ALK: variants seen among roughly 807,000 people sequenced by gnomAD.
ALK encodes the protein ALK tyrosine kinase receptor.
ALK carries 74 observed loss-of-function variants against 163.1 expected under a neutral mutation model. The ratio of observed to expected loss-of-function variants is 0.45; its 90% CI spans 0.38 to 0.55. ALK has a LOEUF of 0.55. Ranked by LOEUF, ALK falls within the 20% of genes least tolerant of loss-of-function variation. The pLI, the probability that ALK is intolerant of heterozygous loss-of-function variation, is 0.00. For synonymous variants in ALK, 960 were observed against 843.2 expected (o/e 1.14, Z -2.40); for missense variants, 2,063 against 2,105.3 (o/e 0.98, Z 0.39).
At chr2:29,216,454 G>A (rs760360921) in intron 23 of ALK, among the ~76,000 whole-genome samples, 12 of 152,276 alleles carry the variant, frequency 7.9e-5, no homozygotes, top group Non-Finnish European at 1.8e-4. Flanking sequence ...GGAGCCTGGA[G>A]CGCTGTGGGG....
chr2:29,445,777 G>C (rs1328640589), intron 4 of ALK, among the ~76,000 whole-genome samples: 5 of 151,958 alleles, frequency 3.3e-5, no homozygotes, highest in Admixed American at 1.3e-4. Context: ...AGCAGACACT[G>C]CACCATTGCA....
In ALK at chr2:29,427,698, T is replaced by C. The variant is rs190395280; in HGVS notation, c.1155-43839A>G. Among the ~76,000 whole-genome samples, 3 of 152,176 alleles carry C rather than the reference T, an allele frequency of 2.0e-5. No homozygotes were observed. In the East Asian group the frequency reaches 5.8e-4, roughly 29 times the overall value. The stretch of plus-strand genomic sequence containing the variant: ...AGATAAAATGGCAGATAAAAATCCA[T>C]GCATGTCAATAATAACATTAAACGC... On this transcript the variant is annotated intron_variant, in intron 4 of 28. Transcript: ENST00000389048.
At chr2:29,711,043 A>G (rs1679083618) in intron 2 of ALK, among the ~76,000 whole-genome samples, 1 of 152,020 alleles carries the variant, frequency 6.6e-6, no homozygotes, top group South Asian at 2.1e-4. Context: ...ATCTTCATCC[A>G]CTCAATTACT....
chr2:29,758,295 C>T (rs1680597057), intron 1 of ALK, among the ~76,000 whole-genome samples: 1 of 152,120 alleles, frequency 6.6e-6, no homozygotes, highest in African/African-American at 2.4e-5. Context: ...GCCCCACGTA[C>T]TCTTATTTGG....
At chr2:29,753,942 T>C (rs1050372154) in intron 1 of ALK, among the ~76,000 whole-genome samples, 3 of 152,186 alleles carry the variant, frequency 2.0e-5, no homozygotes, top group African/African-American at 2.4e-5. Flanking sequence ...ATGTTTTACA[T>C]CTTGTTATTT....
intron 3 of ALK, among the ~76,000 whole-genome samples, chr2:29,596,200 G>C (rs1287788192): frequency 1.3e-5 from 2 of 152,140 alleles, no homozygotes; most frequent in African/African-American, 4.8e-5. Context: ...CCTTTGGCCA[G>C]ATTTTTCTTT....
At chr2:29,864,816 G>A (rs1305135170) in intron 1 of ALK, among the ~76,000 whole-genome samples, 1 of 152,202 alleles carries the variant, frequency 6.6e-6, no homozygotes, top group Non-Finnish European at 1.5e-5. Flanking sequence ...AGTCTGCAAA[G>A]ACACATCCCA....
Position 29,667,732 on chromosome 2 carries a change from A to T in ALK, c.952+27118T>A, listed in dbSNP as rs539567461. ...ATTTTTACATCTATGTTCATCAGGG[A>T]TATTTGCCTGTAGTTCTCTTTTCTT... On this transcript the variant is annotated intron_variant, in intron 3 of 28. Transcript: ENST00000389048. 3.9e-5 allele frequency among the ~76,000 whole-genome samples: 6 copies of T among 152,024 alleles called. No homozygotes were observed. In the South Asian group the frequency reaches 1.2e-3, roughly 32 times the overall value.
In ALK at chr2:29,225,529, A is replaced by C. The variant is rs1366270319; in HGVS notation, c.3104T>G (p.Leu1035Arg). 6 of 1,613,280 alleles carry C rather than the reference A, an allele frequency of 3.7e-6. No homozygotes were observed. In the Admixed American group the frequency reaches 8.3e-5, roughly 22 times the overall value. Reference protein sequence around the residue: ...PTPEPHLPLSLILSVVTSALV... With the variant: ...PTPEPHLPLSRILSVVTSALV... Reference sequence around the variant, plus strand: ...GGCAGAGGTCACCACAGAGAGGATCAGCGAGAGTGGCAGGTGTGGCTCCGG... The same window carrying C: ...GGCAGAGGTCACCACAGAGAGGATCCGCGAGAGTGGCAGGTGTGGCTCCGG... The change falls in exon 19 of 29, where the codon CTG becomes CGG. Residue 1035 changes from leucine to arginine, a missense_variant. Physicochemically the swap from Leu to Arg is moderately radical, Grantham distance 102. Transcript: ENST00000389048.
intron 1 of ALK, among the ~76,000 whole-genome samples, chr2:29,827,398 A>C (rs1665232686): frequency 6.6e-6 from 1 of 152,234 alleles, no homozygotes; most frequent in African/African-American, 2.4e-5. Flanking sequence ...GCTCACTGTC[A>C]TGATGTGATG....
At chr2:29,827,414 T>A (rs1390088215) in intron 1 of ALK, among the ~76,000 whole-genome samples, 1 of 152,262 alleles carries the variant, frequency 6.6e-6, no homozygotes, top group African/African-American at 2.4e-5. Flanking sequence ...TGATGTCCTC[T>A]AAATCCACAG....
At chr2:29,532,331 C>T (rs1471468364) in intron 3 of ALK, among the ~76,000 whole-genome samples, 2 of 152,118 alleles carry the variant, frequency 1.3e-5, no homozygotes, top group South Asian at 2.1e-4. Context: ...GAGACATAGG[C>T]CTTATAATCA....
chr2:29,582,699 G>T (rs992551190), intron 3 of ALK, among the ~76,000 whole-genome samples: 9 of 152,180 alleles, frequency 5.9e-5, no homozygotes, highest in Non-Finnish European at 1.3e-4. Flanking sequence ...GTTATCACAC[G>T]TGTTTCATAG....
At chr2:29,889,741 GAGAGAGAGAGAGA>G (rs1667095319) in intron 1 of ALK, among the ~76,000 whole-genome samples, 1 of 101,532 alleles carries the variant, frequency 9.8e-6, no homozygotes, top group Non-Finnish European at 2.3e-5. Context: ...GAGAGAGAGA[GAGAGAGAGAGAGA>G]GAGAGAAACC....
At chr2:29,838,204 C>A (rs1665611439) in intron 1 of ALK, among the ~76,000 whole-genome samples, 1 of 152,050 alleles carries the variant, frequency 6.6e-6, no homozygotes, top group South Asian at 2.1e-4. Context: ...AAAAAAGGAG[C>A]AGAGCCACAG....
chr2:29,409,876 C>T (rs1353949395), intron 4 of ALK, among the ~76,000 whole-genome samples: 2 of 152,150 alleles, frequency 1.3e-5, no homozygotes, highest in African/African-American at 2.4e-5. Context: ...TTTCTGTCTT[C>T]TCTGATTGCC....
At chr2:29,469,633 G>A (rs1198626474) in intron 4 of ALK, among the ~76,000 whole-genome samples, 1 of 152,110 alleles carries the variant, frequency 6.6e-6, no homozygotes, top group South Asian at 2.1e-4. Flanking sequence ...GCCACAAAGG[G>A]TTTGACTTCT....
chr2:29,778,871 TA>T (rs1474911535), intron 1 of ALK, among the ~76,000 whole-genome samples: 3 of 152,122 alleles, frequency 2.0e-5, no homozygotes, highest in Admixed American at 1.3e-4. Context: ...AAGAAAACCT[TA>T]AGGCCGGGTG....
intron 2 of ALK, among the ~76,000 whole-genome samples, chr2:29,708,388 C>T (rs1678976238): frequency 2.0e-5 from 3 of 152,116 alleles, no homozygotes; most frequent in Non-Finnish European, 2.9e-5. Context: ...TTTAAACAGG[C>T]AATGCAGAGG....
Sources: allele counts gnomAD v4.1 joint callset (sites outside exome capture counted in the v4.1 genomes callset), GRCh38; gene constraint gnomAD v4.1.1; transcripts MANE v1.5; gene names NCBI Gene and HGNC (gene_info 2026-07-23, HGNC 2026-07-21).